The following FNIP1 variants were observed in gnomAD, a reference collection of about 807,000 sequenced individuals.
FNIP1 encodes folliculin interacting protein 1, also known as folliculin-interacting protein 1.
Under a neutral mutation model 124.5 loss-of-function variants are expected in FNIP1, and 40 were observed. That is an observed-to-expected ratio of 0.32 (90% confidence interval 0.25 to 0.42). FNIP1 has a LOEUF of 0.42. Among genes scored for constraint, FNIP1 ranks in the 10% least tolerant of loss-of-function variants. The probability of loss-of-function intolerance (pLI) is 1.00; values close to 1 mark genes in which losing one functional copy is unlikely to be tolerated. For missense variants in FNIP1, 1,176 were observed against 1,403.7 expected (o/e 0.84, Z 2.59); for synonymous variants, 472 against 470.6 (o/e 1.00, Z -0.04).
At chr5:131,714,609 A>G (rs897947667) in intron 6 of FNIP1, among the ~76,000 whole-genome samples, 1 of 151,994 alleles carries the variant, frequency 6.6e-6, no homozygotes, top group Non-Finnish European at 1.5e-5. Context: ...ATTTATTCAC[A>G]TTCTTTCCAT....
intron 1 of FNIP1, among the ~76,000 whole-genome samples, chr5:131,770,028 C>G (rs1040465070): frequency 2.0e-5 from 3 of 152,156 alleles, no homozygotes; most frequent in African/African-American, 7.2e-5. Flanking sequence ...TTCAACAATC[C>G]GTATCTATAA....
chr5:131,777,178 G>A (rs1771838719), intron 1 of FNIP1, among the ~76,000 whole-genome samples: 1 of 151,744 alleles, frequency 6.6e-6, no homozygotes. Flanking sequence ...TAGTAAGACT[G>A]TTAGAAAACA....
At chr5:131,728,318 C>T (rs1769959494) in intron 3 of FNIP1, among the ~76,000 whole-genome samples, 1 of 152,166 alleles carries the variant, frequency 6.6e-6, no homozygotes, top group Non-Finnish European at 1.5e-5. Flanking sequence ...GTACACCAAT[C>T]AAACACAGGT....
At position 131,740,796 on chromosome 5, in the gene FNIP1, G is replaced by A. The variant is rs561269847; in HGVS notation, c.219+3768C>T. On this transcript the variant is annotated intron_variant, in intron 2 of 17. Coordinates refer to ENST00000510461, the MANE Select transcript of FNIP1 (RefSeq NM_133372.3). ...AAGTCACAGGAGGAGATAGGAGGTT[G>A]GCACAAGACATAAGTCATAAAAACC... Among the ~76,000 whole-genome samples, 31 of 152,232 alleles carry A rather than the reference G, an allele frequency of 2.0e-4. 2 individuals carry two copies. In the South Asian group the frequency reaches 5.2e-3, roughly 25 times the overall value.
intron 11 of FNIP1, among the ~76,000 whole-genome samples, chr5:131,684,359 G>C (rs1261672567): frequency 6.6e-6 from 1 of 152,140 alleles, no homozygotes; most frequent in African/African-American, 2.4e-5. Context: ...GCAAGTGGGT[G>C]AATTCTAAAA....
intron 1 of FNIP1, among the ~76,000 whole-genome samples, chr5:131,746,261 G>A (rs559713125): frequency 6.6e-6 from 1 of 152,204 alleles, no homozygotes; most frequent in Admixed American, 6.5e-5. Flanking sequence ...GTTACAACAG[G>A]CTATTTATTT....
At chr5:131,721,570 G>A (rs923197445) in intron 3 of FNIP1, among the ~76,000 whole-genome samples, 4 of 152,086 alleles carry the variant, frequency 2.6e-5, no homozygotes, top group South Asian at 2.1e-4. Context: ...AGGCTTAGGC[G>A]AGAGGATCAC....
chr5:131,684,682 A>C (rs993603840), intron 11 of FNIP1, among the ~76,000 whole-genome samples: 1 of 152,206 alleles, frequency 6.6e-6, no homozygotes, highest in African/African-American at 2.4e-5. Flanking sequence ...AAAATAAAAA[A>C]GTCTTTTAAA....
intron 2 of FNIP1, among the ~76,000 whole-genome samples, chr5:131,742,359 A>G (rs921855604): frequency 2.0e-5 from 3 of 152,130 alleles, no homozygotes; most frequent in African/African-American, 7.2e-5. Context: ...AGCTACTCGC[A>G]AGGCTGAGGC....
chr5:131,682,810 A>G (rs1346821657), intron 11 of FNIP1, among the ~76,000 whole-genome samples: 1 of 152,166 alleles, frequency 6.6e-6, no homozygotes, highest in Non-Finnish European at 1.5e-5. Flanking sequence ...TGGTAAGAAA[A>G]GCAAATACTT....
intron 13 of FNIP1, among the ~76,000 whole-genome samples, chr5:131,676,060 T>C (rs1490763758): frequency 6.7e-6 from 1 of 149,554 alleles, no homozygotes; most frequent in African/African-American, 2.5e-5. Context: ...CTTGCACTGT[T>C]GCCCAGGATG....
chr5:131,672,732 G>A lies in FNIP1; in HGVS notation c.1712C>T (p.Thr571Ile), dbSNP rs1353370292. ...AIVMPGTVITTTLEKGEIEES... is the reference protein window; with the variant it reads ...AIVMPGTVITITLEKGEIEES... ...TTCTATTTCACCTTTCTCTAAAGTG[G>A]TAGTAATTACTGTGCCTGGCATAAC... The change falls in exon 14 of 18, where the codon ACC (threonine) becomes ATC (isoleucine). Residue 571 changes from threonine (T) to isoleucine (I), a missense_variant. Thr to Ile is a moderately conservative substitution (Grantham distance 89). Transcript: ENST00000510461. The A allele has an allele frequency of 1.2e-6, 2 of 1,613,454 alleles. No homozygotes were observed. Among genetic ancestry groups the A allele is most frequent in the Non-Finnish European group, 1.7e-6 (2 of 1,179,704 alleles).
chr5:131,683,582 G>C (rs1408183599), intron 11 of FNIP1, among the ~76,000 whole-genome samples: 1 of 149,344 alleles, frequency 6.7e-6, no homozygotes, highest in Non-Finnish European at 1.5e-5. Flanking sequence ...ACCATCTCTA[G>C]AGTACTTATA....
chr5:131,785,420 T>C (rs1772173238), intron 1 of FNIP1, among the ~76,000 whole-genome samples: 1 of 151,904 alleles, frequency 6.6e-6, no homozygotes, highest in Non-Finnish European at 1.5e-5. Context: ...CCGGGCGTGA[T>C]GGCAGGCGCC....
At chr5:131,702,850 T>G (rs761583859) in intron 10 of FNIP1, among the ~76,000 whole-genome samples, 1 of 152,226 alleles carries the variant, frequency 6.6e-6, no homozygotes, top group Admixed American at 6.5e-5. Flanking sequence ...CCTAATTGAA[T>G]AGCCAATCCT....
At chr5:131,711,914 G>C (rs770533483) in intron 6 of FNIP1, among the ~76,000 whole-genome samples, 13 of 152,108 alleles carry the variant, frequency 8.5e-5, no homozygotes, top group Admixed American at 4.6e-4. Context: ...ATTCGTCCTA[G>C]CTTTCTTTCC....
rs201303715 is a variant in FNIP1 at position 131,710,696 on chromosome 5, G to A, written c.623-35C>T. On this transcript the variant is annotated intron_variant, in intron 6 of 17. Transcript: ENST00000510461. The stretch of plus-strand genomic sequence containing the variant: ...AAAAACGTAAAATACACATGAAAGA[G>A]GACTGTTAGAGAAGCCACAATGCGT... 11 of 1,593,938 alleles carry A rather than the reference G, an allele frequency of 6.9e-6. No individual in the cohort carries two copies. The East Asian group carries it at 2.2e-4, about 33-fold the overall frequency.
intron 1 of FNIP1, among the ~76,000 whole-genome samples, chr5:131,763,817 T>C (rs1580819533): frequency 1.3e-5 from 2 of 152,340 alleles, no homozygotes; most frequent in African/African-American, 4.8e-5. Flanking sequence ...CAAGCCTCAA[T>C]TGAAACAACT....
intron 15 of FNIP1, among the ~76,000 whole-genome samples, chr5:131,657,690 A>C (rs1469463520): frequency 6.7e-6 from 1 of 149,390 alleles, no homozygotes; most frequent in East Asian, 2.0e-4. Flanking sequence ...ACAGAACTTA[A>C]CAACAGAGCC....
Sources: allele counts gnomAD v4.1 joint callset (sites outside exome capture counted in the v4.1 genomes callset), GRCh38; gene constraint gnomAD v4.1.1; transcripts MANE v1.5; gene names NCBI Gene and HGNC (gene_info 2026-07-23, HGNC 2026-07-21).